The following ANKRD36 variants were observed in gnomAD, a reference collection of about 807,000 sequenced individuals.
ANKRD36 encodes the protein ankyrin repeat domain 36, also known as ankyrin repeat domain-containing protein 36A.
Under a neutral mutation model 278.1 loss-of-function variants are expected in ANKRD36, and 179 were observed. The ratio of observed to expected loss-of-function variants is 0.64; its 90% CI spans 0.57 to 0.73. ANKRD36 has a LOEUF of 0.73. ANKRD36 is among the 30% of genes least tolerant of loss of function. ANKRD36 has a pLI of 0.00. For missense variants in ANKRD36, 1,159 were observed against 1,956.7 expected, an observed-to-expected ratio of 0.59 and a Z score of 7.69; for synonymous variants, 320 against 641.1, an observed-to-expected ratio of 0.50 and a Z score of 7.57.
intron 6 of ANKRD36, among the ~76,000 whole-genome samples, chr2:97,132,738 A>G (rs1333751306): frequency 1.3e-5 from 2 of 152,092 alleles, no homozygotes; most frequent in South Asian, 2.1e-4. Context: ...GAAAGAATAC[A>G]TAGTAAAATT....
At chr2:97,210,824 G>T (rs1238095309) in intron 56 of ANKRD36, among the ~76,000 whole-genome samples, 2 of 151,852 alleles carry the variant, frequency 1.3e-5, no homozygotes, top group Non-Finnish European at 2.9e-5. Context: ...TTACTTTGAA[G>T]AAGTATGTCA....
chr2:97,180,256 G>A (rs1351297731), intron 24 of ANKRD36, among the ~76,000 whole-genome samples: 7 of 151,590 alleles, frequency 4.6e-5, no homozygotes, highest in Non-Finnish European at 8.8e-5. Context: ...AAAAGAGAAC[G>A]AGATGAAGTA....
intron 56 of ANKRD36, 145 bp from the exon 57 acceptor site, chr2:97,211,401 C>G (rs1367253578): frequency 1.1e-5 from 15 of 1,314,606 alleles, no homozygotes; most frequent in Middle Eastern, 5.3e-4. Flanking sequence ...CTGTCATGTT[C>G]TGGTCCCCAG....
intron 52 of ANKRD36, 111 bp from the exon 53 acceptor site, chr2:97,207,700 C>G: frequency 6.7e-7 from 1 of 1,498,234 alleles, no homozygotes; most frequent in Non-Finnish European, 9.1e-7. Flanking sequence ...GCCATCAAAG[C>G]CTACGCTAAT....
At chr2:97,225,085 C>A (rs2068980815) in intron 67 of ANKRD36, among the ~76,000 whole-genome samples, 2 of 151,878 alleles carry the variant, frequency 1.3e-5, no homozygotes, top group African/African-American at 4.8e-5. Flanking sequence ...TATCTTTACT[C>A]TTGGAACTGA....
At chr2:97,137,289 T>A (rs1416654926) in intron 6 of ANKRD36, among the ~76,000 whole-genome samples, 2 of 151,742 alleles carry the variant, frequency 1.3e-5, no homozygotes, top group Non-Finnish European at 2.9e-5. Flanking sequence ...TGGGATTACA[T>A]ACGTGTGCCA....
chr2:97,212,925 G>A (rs2065055253), intron 58 of ANKRD36: 2 of 278,380 alleles, frequency 7.2e-6, no homozygotes, highest in African/African-American at 2.3e-5. Context: ...CTGAAGAGAC[G>A]TGAAGTGTAC....
chr2:97,231,963 A>G (rs528719106), intron 67 of ANKRD36, among the ~76,000 whole-genome samples: 1,682 of 151,846 alleles, frequency 0.011, no homozygotes, highest in African/African-American at 0.039. Context: ...CTCCTAATTC[A>G]TTTTTGGGAA....
In ANKRD36 at chr2:97,154,323, T is replaced by C. The variant is rs865926618; in HGVS notation, c.1194-352T>C. ...TAACAAAAGTTGTGTCAGATATCAA[T>C]TGGATTTTCAGTTTAGTCTTTAGGG... is the stretch of plus-strand genomic sequence containing the variant. On this transcript the variant is annotated intron_variant, in intron 14 of 75. Coordinates refer to ENST00000420699, the MANE Select transcript of ANKRD36 (RefSeq NM_001354587.1). 1.3e-3 allele frequency among the ~76,000 whole-genome samples: 186 copies of C among 146,440 alleles called. 1 individual carries two copies. Among genetic ancestry groups the C allele is most frequent in the South Asian group, 2.5e-3 (12 of 4,748 alleles).
chr2:97,146,464 C>T, intron 10 of ANKRD36, 22 bp from the exon 11 acceptor site: 1 of 1,496,336 alleles, frequency 6.7e-7, no homozygotes, highest in Non-Finnish European at 8.9e-7. Context: ...ATTTAAAATG[C>T]ATTTTACTTT....
In ANKRD36 at chr2:97,203,983, G is replaced by A; in HGVS notation, c.2960-85G>A. The A allele has an allele frequency of 2.0e-6, 3 of 1,522,576 alleles. No individual in the cohort carries two copies. The East Asian group carries it at 7.4e-5, about 38-fold the overall frequency. 94.3% of individuals were successfully genotyped at this position (1,522,576 alleles called of 1,614,324 possible). On this transcript the variant is annotated intron_variant, in intron 48 of 75. Coordinates refer to ENST00000420699, the MANE Select transcript of ANKRD36 (RefSeq NM_001354587.1). ...ATACGCTAATACAGGCAGGAGGACA[G>A]AGGCTGATGCTAACACTGCATGAAT...
At chr2:97,202,038 A>C (rs921052622) in intron 46 of ANKRD36, among the ~76,000 whole-genome samples, 164 bp from the exon 47 acceptor site, 2 of 151,898 alleles carry the variant, frequency 1.3e-5, no homozygotes, top group Non-Finnish European at 2.9e-5. Context: ...CGCTTTTCTC[A>C]GTGTATTTCT....
At chr2:97,117,251 T>A (rs982393445) in intron 1 of ANKRD36, among the ~76,000 whole-genome samples, 5 of 152,010 alleles carry the variant, frequency 3.3e-5, no homozygotes, top group African/African-American at 1.2e-4. Context: ...TTGGATTATT[T>A]TTTTTTTTAA....
chr2:97,202,477 G>C lies in ANKRD36; in HGVS notation c.2959+84G>C. ...CCCCAAATAAATCAGCGGGGGGCTC[G>C]TCGAAGCTGCACTTTCTGATTCAGC... On this transcript the variant is annotated intron_variant, in intron 48 of 75. Coordinates refer to ENST00000420699, the MANE Select transcript of ANKRD36 (RefSeq NM_001354587.1). 3 of 1,521,250 alleles carry C rather than the reference G, an allele frequency of 2.0e-6. No homozygotes were observed. In the South Asian group the frequency reaches 3.7e-5, roughly 19 times the overall value. 94.2% of individuals were successfully genotyped at this position (1,521,250 alleles called of 1,614,324 possible).
chr2:97,146,354 C>A, intron 10 of ANKRD36, 132 bp from the exon 11 acceptor site: 1 of 641,694 alleles, frequency 1.6e-6, no homozygotes, highest in South Asian at 3.0e-5. Context: ...CTGGGCTTCT[C>A]AAGTGATATT....
intron 5 of ANKRD36, among the ~76,000 whole-genome samples, chr2:97,125,559 C>T (rs568246460): frequency 1.2e-4 from 18 of 150,784 alleles, no homozygotes; most frequent in South Asian, 4.3e-4. Flanking sequence ...AGAAAGAGAT[C>T]ACAGTGTTCT....
intron 36 of ANKRD36, 70 bp downstream of exon 36, chr2:97,191,251 A>C: frequency 2.7e-6 from 4 of 1,455,554 alleles, no homozygotes; most frequent in Non-Finnish European, 3.7e-6. Flanking sequence ...TCCTGAATGA[A>C]TTGGCCTGGG....
At chr2:97,151,606 G>A (rs1039359012) in intron 12 of ANKRD36, among the ~76,000 whole-genome samples, 1 of 152,306 alleles carries the variant, frequency 6.6e-6, no homozygotes, top group African/African-American at 2.4e-5. Context: ...AGTTTGTTGT[G>A]GTTAATAAAA....
At chr2:97,200,222 G>A (rs1166039913) in intron 44 of ANKRD36, 112 bp from the exon 45 acceptor site, 42 of 1,580,324 alleles carry the variant, frequency 2.7e-5, no homozygotes, top group Non-Finnish European at 3.5e-5. Context: ...AGCCATCAAA[G>A]CCTCCACTAA....
Sources: gnomAD v4.1 joint callset for allele counts (sites outside exome capture counted in the v4.1 genomes callset) on GRCh38, gnomAD v4.1.1 for gene constraint, MANE v1.5 for transcripts, NCBI Gene and HGNC (gene_info 2026-07-23, HGNC 2026-07-21) for gene names.